PRKCE: variants seen among roughly 807,000 people sequenced by gnomAD.
PRKCE encodes the protein protein kinase C epsilon, also known as protein kinase C epsilon type.
A neutral mutation model predicts 85.4 loss-of-function variants in PRKCE; 16 were observed. The ratio of observed to expected loss-of-function variants is 0.19; its 90% CI spans 0.13 to 0.28. The LOEUF (loss-of-function observed/expected upper bound fraction) is 0.28. Ranked by LOEUF, PRKCE falls within the 10% of genes least tolerant of loss-of-function variation. The pLI is 1.00. For missense variants in PRKCE, 573 were observed against 975.2 expected (o/e 0.59, Z 5.49); for synonymous variants, 388 against 371.5 (o/e 1.04, Z -0.51).
At chr2:46,082,265 ATGG>A (rs1558433028) in intron 10 of PRKCE, among the ~76,000 whole-genome samples, 2 of 152,130 alleles carry the variant, frequency 1.3e-5, no homozygotes, top group African/African-American at 4.8e-5. Context: ...TTGGGCCATA[ATGG>A]TGGGCATGAT....
intron 1 of PRKCE, among the ~76,000 whole-genome samples, chr2:45,664,636 T>G (rs1675828259): frequency 1.3e-5 from 2 of 152,216 alleles, no homozygotes; most frequent in Admixed American, 1.3e-4. Flanking sequence ...AAACAGCTCC[T>G]AGGGTGGGAG....
chr2:45,664,311 A>G (rs968909700), intron 1 of PRKCE, among the ~76,000 whole-genome samples: 3 of 152,186 alleles, frequency 2.0e-5, no homozygotes, highest in African/African-American at 4.8e-5. Context: ...TTGGCTGCAT[A>G]TTGGACAAAT....
chr2:45,823,284 A>G (rs1237919554), intron 1 of PRKCE, among the ~76,000 whole-genome samples: 1 of 152,240 alleles, frequency 6.6e-6, no homozygotes, highest in Admixed American at 6.5e-5. Context: ...ACCTGGATCT[A>G]TGAGAGTTAT....
chr2:46,137,670 G>A (rs796618413), intron 11 of PRKCE, among the ~76,000 whole-genome samples: 13 of 151,596 alleles, frequency 8.6e-5, no homozygotes, highest in African/African-American at 3.1e-4. Flanking sequence ...GGCTGAGGCA[G>A]GAGAATCGCT....
chr2:46,063,977 A>G (rs1427685892), intron 10 of PRKCE, among the ~76,000 whole-genome samples: 1 of 152,106 alleles, frequency 6.6e-6, no homozygotes, highest in Non-Finnish European at 1.5e-5. Flanking sequence ...ACAGTATTTT[A>G]CTGTCTATGA....
chr2:46,004,645 C>A lies in PRKCE; in HGVS notation c.1063+7C>A, dbSNP rs1383548965. 2 of 1,569,844 alleles carry A rather than the reference C, an allele frequency of 1.3e-6. No individual in the cohort carries two copies. Among genetic ancestry groups the A allele is most frequent in the East Asian group, 2.3e-5 (1 of 43,852 alleles). ...ACCTCCCCTTGTGACCAGGGTGAGACCCTCAGATTTGCTTCCTGACCTCTG... is the reference window on the plus strand; with the variant it reads ...ACCTCCCCTTGTGACCAGGGTGAGAACCTCAGATTTGCTTCCTGACCTCTG... On this transcript the variant is annotated splice_region_variant and intron_variant, in intron 8 of 14. Transcript: ENST00000306156. This position sits in a 1 kb window ranked among gnomAD's most constrained non-coding sequence, Gnocchi z 4.1.
intron 1 of PRKCE, among the ~76,000 whole-genome samples, chr2:45,695,201 T>G (rs1678044734): frequency 6.6e-6 from 1 of 152,238 alleles, no homozygotes; most frequent in Non-Finnish European, 1.5e-5. Context: ...CTTTTTTCTC[T>G]TCTTCTTGAC....
intron 10 of PRKCE, among the ~76,000 whole-genome samples, chr2:46,027,135 C>T (rs1707174150): frequency 1.3e-5 from 2 of 152,098 alleles, no homozygotes; most frequent in South Asian, 2.1e-4. Flanking sequence ...TGCCACTGTA[C>T]TCCAGCCTGA....
chr2:45,692,638 G>A (rs938778163), intron 1 of PRKCE, among the ~76,000 whole-genome samples: 10 of 152,050 alleles, frequency 6.6e-5, no homozygotes, highest in African/African-American at 2.4e-4. Flanking sequence ...CAGTGAGGGA[G>A]ACTGATGGAA....
At chr2:45,669,958 C>G (rs1307802024) in intron 1 of PRKCE, among the ~76,000 whole-genome samples, 1 of 152,164 alleles carries the variant, frequency 6.6e-6, no homozygotes, top group Admixed American at 6.5e-5. Context: ...TTGCAGTGAG[C>G]TGAGATTGCA....
At chr2:45,727,067 G>C (rs1262564025) in intron 1 of PRKCE, among the ~76,000 whole-genome samples, 1 of 152,182 alleles carries the variant, frequency 6.6e-6, no homozygotes, top group Non-Finnish European at 1.5e-5. Flanking sequence ...AAATTTTCTA[G>C]ATAAAGATGT....
chr2:45,776,220 G>A lies in PRKCE; in HGVS notation c.349-66780G>A, dbSNP rs1216909206. On this transcript the variant is annotated intron_variant, in intron 1 of 14. Coordinates refer to ENST00000306156, the MANE Select transcript of PRKCE (RefSeq NM_005400.3). ...TTCTGTGCATAACATGGGTTGAATAGCAAAGCTTCTGAGAAAAGGCGACCT... is the reference window on the plus strand; with the variant it reads ...TTCTGTGCATAACATGGGTTGAATAACAAAGCTTCTGAGAAAAGGCGACCT... Among the ~76,000 whole-genome samples, 3 of 152,294 alleles carry A rather than the reference G, an allele frequency of 2.0e-5. No individual in the cohort carries two copies. In the South Asian group the frequency reaches 6.2e-4, roughly 32 times the overall value.
At chr2:46,060,981 T>C (rs1228610216) in intron 10 of PRKCE, among the ~76,000 whole-genome samples, 1 of 151,896 alleles carries the variant, frequency 6.6e-6, no homozygotes, top group African/African-American at 2.4e-5. Flanking sequence ...AGGCTGGTCT[T>C]GAACTCCCGA....
intron 10 of PRKCE, chr2:46,077,904 C>G (rs1305898991): frequency 6.6e-6 from 1 of 152,178 alleles, no homozygotes; most frequent in Non-Finnish European, 1.5e-5. Flanking sequence ...TACTTTAGAG[C>G]TGGAAAGTCC....
intron 2 of PRKCE, among the ~76,000 whole-genome samples, chr2:45,933,490 T>C (rs866682894): frequency 1.7e-4 from 25 of 143,440 alleles, no homozygotes; most frequent in Non-Finnish European, 7.5e-5. Flanking sequence ...TTTTTTTTTT[T>C]TGAGACTGAG....
intron 1 of PRKCE, among the ~76,000 whole-genome samples, chr2:45,806,622 T>C (rs993546115): frequency 2.6e-5 from 4 of 152,226 alleles, no homozygotes; most frequent in African/African-American, 9.6e-5. Flanking sequence ...ACCACCCTTC[T>C]ACTTTCTGTC....
At position 46,124,293 on chromosome 2, in the gene PRKCE, C is replaced by G. The variant is rs559673333; in HGVS notation, c.1593-20800C>G. Among the ~76,000 whole-genome samples, 23 of 152,268 alleles carry G rather than the reference C, an allele frequency of 1.5e-4. 1 individual carries two copies. The South Asian group carries it at 4.8e-3, about 32-fold the overall frequency. On this transcript the variant is annotated intron_variant, in intron 11 of 14. Transcript: ENST00000306156. Reference sequence around the variant, plus strand: ...TGATCCAAGATCGCACCACTGCACTCCAGCCTGGGCAACAGAGCGAGACTG... The same window carrying G: ...TGATCCAAGATCGCACCACTGCACTGCAGCCTGGGCAACAGAGCGAGACTG...
intron 1 of PRKCE, among the ~76,000 whole-genome samples, chr2:45,825,125 TAAC>T: frequency 6.6e-6 from 1 of 152,372 alleles, no homozygotes; most frequent in East Asian, 1.9e-4. Context: ...GTAGCCTTCA[TAAC>T]AACAGCTATG....
chr2:46,142,699 G>C (rs926446081), intron 11 of PRKCE, among the ~76,000 whole-genome samples: 7 of 152,230 alleles, frequency 4.6e-5, no homozygotes, highest in Non-Finnish European at 7.3e-5. Context: ...TGAGCATCTG[G>C]GGCCAGTGCA....
Sources: gnomAD v4.1 joint callset for allele counts (sites outside exome capture counted in the v4.1 genomes callset) on GRCh38, gnomAD v4.1.1 for gene constraint, Gnocchi (gnomAD v3.1) non-coding constraint, MANE v1.5 for transcripts, NCBI Gene and HGNC (gene_info 2026-07-23, HGNC 2026-07-21) for gene names.